Variants in GJA8 observed in about 807,000 individuals in gnomAD.
The protein encoded by GJA8 is gap junction protein alpha 8.
A neutral mutation model predicts 15.3 loss-of-function variants in GJA8; 13 were observed. The observed-to-expected ratio is 0.85, with a 90% CI of 0.55 to 1.35. The LOEUF is 1.35. Ranked by LOEUF, GJA8 falls within the 40% of genes most tolerant of loss-of-function variation. The probability of loss-of-function intolerance (pLI) is 0.00; values close to 1 mark genes in which losing one functional copy is unlikely to be tolerated. For missense variants in GJA8, 607 were observed against 553.3 expected (o/e 1.10, Z -0.97); for synonymous variants, 304 against 238.7 (o/e 1.27, Z -2.52).
downstream of GJA8, chr1:147,909,409 A>G (rs1553243138): frequency 1.5e-6 from 1 of 678,100 alleles, no homozygotes; most frequent in Non-Finnish European, 2.6e-6. Flanking sequence ...ACTCCAGGCA[A>G]CTCTAGGAAA....
chr1:147,914,197 A>G (rs941108308), downstream of GJA8, among the ~76,000 whole-genome samples: 3 of 152,238 alleles, frequency 2.0e-5, no homozygotes, highest in Admixed American at 6.5e-5. Context: ...TGGAAGTTCT[A>G]CAGAGCAGAC....
At chr1:147,909,317 C>G, downstream of GJA8, 1 of 1,216,520 alleles carries the variant, frequency 8.2e-7, no homozygotes, top group Admixed American at 1.8e-5. Context: ...ATGAAAGGAA[C>G]AGGTGCCAAC....
chr1:147,906,700 G>A (rs946136980), intron 1 of GJA8, among the ~76,000 whole-genome samples: 2 of 152,092 alleles, frequency 1.3e-5, no homozygotes, highest in African/African-American at 4.8e-5. Flanking sequence ...ACCTAGAGAA[G>A]AGGAAACATA....
chr1:147,914,198 C>A (rs1553243815), downstream of GJA8, among the ~76,000 whole-genome samples: 1 of 152,160 alleles, frequency 6.6e-6, no homozygotes, highest in Admixed American at 6.5e-5. Context: ...GGAAGTTCTA[C>A]AGAGCAGACA....
intron 1 of GJA8, among the ~76,000 whole-genome samples, chr1:147,903,451 C>T (rs1651679072): frequency 6.6e-6 from 1 of 152,176 alleles, no homozygotes; most frequent in African/African-American, 2.4e-5. Flanking sequence ...TGGTTACCAA[C>T]CAGAGTGGTA....
downstream of GJA8, among the ~76,000 whole-genome samples, chr1:147,911,336 C>G (rs1443045152): frequency 6.6e-6 from 1 of 152,146 alleles, no homozygotes; most frequent in Non-Finnish European, 1.5e-5. Flanking sequence ...ATTCCTCCCC[C>G]TTGACAAAAT....
In GJA8 at chr1:147,909,077, C is replaced by A. The variant is rs782325765; in HGVS notation, c.1122C>A (p.Thr374=). ...TGCCAGAGGGGGAGAAAGTAGAGAC[C>A]CCCGGAGTGGATAAGGAGGGTGAAA... is the stretch of plus-strand genomic sequence containing the variant. ...VAVPEGEKVE[T]PGVDKEGEKE... is the part of the protein sequence containing the mutation. The change falls in exon 2 of 2, where the codon ACC becomes ACA. Residue 374 remains threonine, a synonymous_variant. Transcript: ENST00000369235. 3 of 1,608,654 alleles carry A rather than the reference C, an allele frequency of 1.9e-6. No homozygotes were observed. The highest frequency in any genetic ancestry group is 2.5e-6 in the Non-Finnish European group (3 of 1,177,406).
exon 2 of GJA8, chr1:147,909,267 A>AAAC: frequency 1.3e-6 from 2 of 1,487,324 alleles, no homozygotes; most frequent in Non-Finnish European, 1.8e-6. Context: ...AAGTGACGCC[A>AAAC]AAGAAAAAAA....
intron 1 of GJA8, among the ~76,000 whole-genome samples, chr1:147,905,989 C>T (rs1186598326): frequency 2.6e-5 from 4 of 152,336 alleles, no homozygotes; most frequent in African/African-American, 9.6e-5. Context: ...CCACAAGAAG[C>T]GAACAGCTAT....
Position 147,908,875 on chromosome 1 carries a change from G to A in GJA8, c.920G>A (p.Gly307Glu). 1 of 1,614,118 alleles carries A rather than the reference G, an allele frequency of 6.2e-7. No homozygotes were observed. The highest frequency in any genetic ancestry group is 8.5e-7 in the Non-Finnish European group (1 of 1,180,016). Residue 307 changes from glycine (G) to glutamate (E), a missense_variant, in exon 2 of 2, where the codon GGA (glycine) becomes GAA (glutamate). Coordinates refer to ENST00000369235, the MANE Select transcript of GJA8 (RefSeq NM_005267.5). The stretch of plus-strand genomic sequence containing the variant: ...CAGTTCGAGGAGAAGATCAGCACAG[G>A]ACCCCTGGGGGACTTGTCCCGGGGC... ...FNQFEEKIST[G>E]PLGDLSRGYQ...
In GJA8 at chr1:147,908,309, G is replaced by A. The variant is rs1435409845; in HGVS notation, c.354G>A (p.Ala118=). Residue 118 remains alanine, a synonymous_variant, in exon 2 of 2, where the codon GCG becomes GCA. Transcript: ENST00000369235. The part of the protein sequence containing the change: ...SREAEELGQQ[A]GTNGGPDQGS... The stretch of plus-strand genomic sequence containing the variant: ...AGGCGGAGGAGCTGGGCCAGCAGGC[G>A]GGGACTAACGGCGGCCCGGACCAGG... 1 of 1,614,202 alleles carries A rather than the reference G, an allele frequency of 6.2e-7. No homozygotes were observed. Among genetic ancestry groups the A allele is most frequent in the Non-Finnish European group, 8.5e-7 (1 of 1,180,032 alleles).
rs782194786 is a variant in GJA8 at position 147,908,809 on chromosome 1, G to T, written c.854G>T (p.Gly285Val). 1 of 1,614,176 alleles carries T rather than the reference G, an allele frequency of 6.2e-7. No individual in the cohort carries two copies. The change falls in exon 2 of 2, where the codon GGG becomes GTG. Residue 285 changes from glycine to valine, a missense_variant. Transcript: ENST00000369235. ...CACTATTTCCCCTTGACCGAGGTTG[G>T]GATGGTGGAGACCAGCCCACTGCCT... ...VSHYFPLTEV[G>V]MVETSPLPAK...
Position 147,908,698 on chromosome 1 carries a change from C to T in GJA8, c.743C>T (p.Pro248Leu), listed in dbSNP as rs587685791. The T allele has an allele frequency of 6.2e-7, 1 of 1,614,154 alleles. No homozygotes were observed. Among genetic ancestry groups the T allele is most frequent in the East Asian group, 2.2e-5 (1 of 44,874 alleles). The part of the protein sequence containing the change: ...RPVEQPLGEI[P>L]EKSLHSIAVS... ...GTAGAGCAGCCCCTGGGGGAGATTC[C>T]TGAGAAATCCCTCCACTCCATTGCT... Residue 248 changes from proline (P) to leucine (L), a missense_variant, in exon 2 of 2, where the codon CCT (proline) becomes CTT (leucine). Physicochemically the swap from Pro to Leu is moderately conservative, Grantham distance 98 (BLOSUM62 -3). Coordinates refer to ENST00000369235, the MANE Select transcript of GJA8 (RefSeq NM_005267.5).
rs587727392 is a variant in GJA8, at chr1:147,908,941, A to G, written c.986A>G (p.Gln329Arg). Reference sequence around the variant, plus strand: ...CCTTCCTACGCTCAGGTGGGGGCACAAGAAGTGGAGGGCGAGGGGCCGCCT... The same window carrying G: ...CCTTCCTACGCTCAGGTGGGGGCACGAGAAGTGGAGGGCGAGGGGCCGCCT... ...TLPSYAQVGA[Q>R]EVEGEGPPAE... The change falls in exon 2 of 2, where the codon CAA (glutamine) becomes CGA (arginine). Residue 329 changes from glutamine to arginine, a missense_variant. Physicochemically the swap from Gln to Arg is conservative, Grantham distance 43. Coordinates refer to ENST00000369235, the MANE Select transcript of GJA8 (RefSeq NM_005267.5). 2.5e-6 allele frequency: 4 copies of G among 1,609,536 alleles called. No homozygotes were observed. The South Asian group carries it at 4.4e-5, about 18-fold the overall frequency.
rs201476382 is a variant in GJA8 at position 147,908,633 on chromosome 1, C to A, written c.678C>A (p.His226Gln). ...TCCTCAACGTGATGGAGTTGGGCCA[C>A]CTGGGCCTGAAGGGGATCCGGTCTG... The part of the protein sequence containing the change: ...SLFLNVMELG[H>Q]LGLKGIRSAL... The change falls in exon 2 of 2, where the codon CAC (histidine) becomes CAA (glutamine). Residue 226 changes from histidine to glutamine, a missense_variant. Physicochemically the swap from His to Gln is conservative, Grantham distance 24. Transcript: ENST00000369235. 2.0e-4 allele frequency: 320 copies of A among 1,613,986 alleles called. No homozygotes were observed. Among genetic ancestry groups the A allele is most frequent in the Non-Finnish European group, 2.5e-4 (297 of 1,180,018 alleles).
rs1553242911 is a variant in GJA8, at chr1:147,908,899, G to A, written c.944G>A (p.Gly315Asp). The change falls in exon 2 of 2, where the codon GGC becomes GAC. Residue 315 changes from glycine to aspartate, a missense_variant. Physicochemically the swap from Gly to Asp is moderately conservative, Grantham distance 94. Coordinates refer to ENST00000369235, the MANE Select transcript of GJA8 (RefSeq NM_005267.5). ...STGPLGDLSR[G>D]YQETLPSYAQ... The stretch of plus-strand genomic sequence containing the variant: ...GGACCCCTGGGGGACTTGTCCCGGG[G>A]CTACCAAGAGACACTGCCTTCCTAC... 1 of 1,613,808 alleles carries A rather than the reference G, an allele frequency of 6.2e-7. No individual in the cohort carries two copies.
In GJA8 at chr1:147,907,930, C is replaced by G. The variant is rs1651863829; in HGVS notation, c.-11-15C>G. Reference sequence around the variant, plus strand: ...TGCGGCCGCTCAGCTCTTGCCTTCTCCCTCATTTCTTCAGGTGGGTGAGAA... The same window carrying G: ...TGCGGCCGCTCAGCTCTTGCCTTCTGCCTCATTTCTTCAGGTGGGTGAGAA... On this transcript the variant is annotated splice_polypyrimidine_tract_variant and intron_variant, in intron 1 of 1. Coordinates refer to ENST00000369235, the MANE Select transcript of GJA8 (RefSeq NM_005267.5). 1 of 1,590,330 alleles carries G rather than the reference C, an allele frequency of 6.3e-7. No homozygotes were observed. The highest frequency in any genetic ancestry group is 8.6e-7 in the Non-Finnish European group (1 of 1,158,808).
At chr1:147,912,906 A>G (rs1477621621), downstream of GJA8, among the ~76,000 whole-genome samples, 1 of 151,714 alleles carries the variant, frequency 6.6e-6, no homozygotes, top group Non-Finnish European at 1.5e-5. Context: ...AAAAAAAAAA[A>G]AAAAAAAAAG....
rs200587705 is a variant in GJA8 at position 147,908,311 on chromosome 1, G to A, written c.356G>A (p.Gly119Glu). ...REAEELGQQA[G>E]TNGGPDQGSV... ...GCGGAGGAGCTGGGCCAGCAGGCGG[G>A]GACTAACGGCGGCCCGGACCAGGGC... Residue 119 changes from glycine to glutamate, a missense_variant, in exon 2 of 2, where the codon GGG (glycine) becomes GAG (glutamate). Physicochemically the swap from Gly to Glu is moderately conservative, Grantham distance 98 (BLOSUM62 -2). Coordinates refer to ENST00000369235, the MANE Select transcript of GJA8 (RefSeq NM_005267.5). The A allele has an allele frequency of 9.0e-5, 146 of 1,614,186 alleles. 1 individual carries two copies. In the East Asian group the frequency reaches 3.2e-3, roughly 35 times the overall value.
Sources: allele counts gnomAD v4.1 joint callset (sites outside exome capture counted in the v4.1 genomes callset), GRCh38; gene constraint gnomAD v4.1.1; transcripts MANE v1.5; gene names NCBI Gene and HGNC (gene_info 2026-07-23, HGNC 2026-07-21).